The following CLSTN2 variants were observed in gnomAD, a reference collection of about 807,000 sequenced individuals.
CLSTN2 encodes calsyntenin-2.
Under a neutral mutation model 101.2 loss-of-function variants are expected in CLSTN2, and 48 were observed. That is an observed-to-expected ratio of 0.47 (90% CI 0.38 to 0.60). The LOEUF is 0.60. CLSTN2 is among the 20% of genes least tolerant of loss of function. The pLI is 0.00. For missense variants in CLSTN2, 1,160 were observed against 1,238.2 expected, an observed-to-expected ratio of 0.94 and a Z score of 0.95; for synonymous variants, 481 against 463.6, an observed-to-expected ratio of 1.04 and a Z score of -0.48.
intron 2 of CLSTN2, among the ~76,000 whole-genome samples, chr3:140,227,901 T>G (rs111645983): frequency 2.0e-5 from 3 of 152,194 alleles, no homozygotes; most frequent in Admixed American, 6.5e-5. Flanking sequence ...CCCTAGACTG[T>G]GCACAGCATA....
At chr3:140,219,498 G>A (rs951671809) in intron 2 of CLSTN2, among the ~76,000 whole-genome samples, 1 of 152,142 alleles carries the variant, frequency 6.6e-6, no homozygotes, top group African/African-American at 2.4e-5. Flanking sequence ...ATCTGGGAGC[G>A]ATCTTGTTTC....
intron 2 of CLSTN2, among the ~76,000 whole-genome samples, chr3:140,322,229 A>G (rs760706972): frequency 6.6e-6 from 1 of 152,256 alleles, no homozygotes; most frequent in African/African-American, 2.4e-5. Context: ...CTGGCCCAGC[A>G]TCTGGCAGCA....
intron 2 of CLSTN2, among the ~76,000 whole-genome samples, chr3:140,320,871 G>A (rs1462034116): frequency 6.6e-6 from 1 of 152,080 alleles, no homozygotes; most frequent in African/African-American, 2.4e-5. Context: ...AGAAGACAAG[G>A]CAAGTCTCTG....
intron 2 of CLSTN2, among the ~76,000 whole-genome samples, chr3:140,291,457 T>C (rs992490008): frequency 6.6e-6 from 1 of 151,768 alleles, no homozygotes; most frequent in African/African-American, 2.4e-5. Context: ...CCCTCCCCTT[T>C]GAAACACCTT....
At chr3:140,035,050 A>C (rs2007628638) in intron 1 of CLSTN2, among the ~76,000 whole-genome samples, 1 of 152,096 alleles carries the variant, frequency 6.6e-6, no homozygotes, top group South Asian at 2.1e-4. Flanking sequence ...CCGGGAACCT[A>C]CCTTTACCTA....
chr3:140,199,325 A>T (rs113761074), intron 2 of CLSTN2, among the ~76,000 whole-genome samples: 12 of 152,174 alleles, frequency 7.9e-5, no homozygotes, highest in African/African-American at 2.7e-4. Context: ...CCTTTATCTC[A>T]TCATTGATTT....
At chr3:140,434,181 CT>C (rs2088665240) in intron 5 of CLSTN2, among the ~76,000 whole-genome samples, 1 of 152,188 alleles carries the variant, frequency 6.6e-6, no homozygotes, top group Non-Finnish European at 1.5e-5. Context: ...ACAGTGCCCC[CT>C]TCTCCCCACA....
At chr3:140,047,212 C>G (rs2007898773) in intron 1 of CLSTN2, among the ~76,000 whole-genome samples, 1 of 152,178 alleles carries the variant, frequency 6.6e-6, no homozygotes. Flanking sequence ...TCTCTTTCTG[C>G]TTCACTTCCC....
chr3:140,411,227 G>A (rs889865235), intron 4 of CLSTN2, among the ~76,000 whole-genome samples: 3 of 152,106 alleles, frequency 2.0e-5, no homozygotes, highest in Non-Finnish European at 2.9e-5. Flanking sequence ...GTGAAGGTAC[G>A]ATAAAAGATT....
At chr3:140,260,404 C>T (rs72990147) in intron 2 of CLSTN2, among the ~76,000 whole-genome samples, 8,478 of 151,610 alleles carry the variant, frequency 0.056, 549 homozygotes, top group African/African-American at 0.16. Context: ...TTTTAGTTTC[C>T]TAAGAGTTTT....
intron 8 of CLSTN2, among the ~76,000 whole-genome samples, chr3:140,476,881 G>C (rs1447392155): frequency 6.6e-6 from 1 of 151,940 alleles, no homozygotes. Context: ...GGATGGTCTC[G>C]ATCTCCTGAC....
intron 9 of CLSTN2, among the ~76,000 whole-genome samples, chr3:140,533,074 G>A (rs1177915451): frequency 6.6e-6 from 1 of 152,182 alleles, no homozygotes; most frequent in Non-Finnish European, 1.5e-5. Flanking sequence ...CCACTTGAAG[G>A]TATCTGCCCC....
chr3:140,237,341 G>C (rs1453317494), intron 2 of CLSTN2, among the ~76,000 whole-genome samples: 1 of 152,156 alleles, frequency 6.6e-6, no homozygotes, highest in Non-Finnish European at 1.5e-5. Flanking sequence ...CAAACTATCT[G>C]TAGCACTGTA....
chr3:140,539,916 A>C (rs1935439205), intron 9 of CLSTN2, among the ~76,000 whole-genome samples: 1 of 152,122 alleles, frequency 6.6e-6, no homozygotes, highest in African/African-American at 2.4e-5. Context: ...GATTTACCCA[A>C]ACTCCCTTGG....
chr3:140,220,850 G>C (rs1459822158), intron 2 of CLSTN2, among the ~76,000 whole-genome samples: 4 of 152,220 alleles, frequency 2.6e-5, no homozygotes, highest in African/African-American at 9.6e-5. Context: ...ATGCCTCTAT[G>C]TGCCCGGGAC....
Position 140,558,647 on chromosome 3 carries a change from G to A in CLSTN2, c.1831G>A (p.Gly611Arg). 1 of 1,612,362 alleles carries A rather than the reference G, an allele frequency of 6.2e-7. No homozygotes were observed. Among genetic ancestry groups the A allele is most frequent in the African/African-American group, 1.3e-5 (1 of 74,964 alleles). Residue 611 changes from glycine (G) to arginine (R), a missense_variant, in exon 12 of 17, where the codon GGG (glycine) becomes AGG (arginine). Transcript: ENST00000458420. ...LKVSSKVQCF[G>R]EDVCISIPEV... Reference sequence around the variant, plus strand: ...CCGAGAATGTTTTCCCAGGTGCTTTGGGGAAGACGTATGCATCAGTATCCC... The same window carrying A: ...CCGAGAATGTTTTCCCAGGTGCTTTAGGGAAGACGTATGCATCAGTATCCC...
intron 8 of CLSTN2, among the ~76,000 whole-genome samples, chr3:140,476,468 G>C (rs1933986210): frequency 6.6e-6 from 1 of 152,144 alleles, no homozygotes. Context: ...CCTTGCATAT[G>C]ACCTCAAAAC....
intron 2 of CLSTN2, among the ~76,000 whole-genome samples, chr3:140,399,989 G>A (rs549327859): frequency 7.3e-5 from 11 of 151,302 alleles, no homozygotes; most frequent in East Asian, 1.9e-4. Context: ...GCAATGAGTC[G>A]TCTGATCTTC....
chr3:140,408,150 G>A (rs1280408532), intron 4 of CLSTN2, among the ~76,000 whole-genome samples: 1 of 152,158 alleles, frequency 6.6e-6, no homozygotes, highest in African/African-American at 2.4e-5. Context: ...GTTTCATCTT[G>A]CATGCATCAT....
Sources: gnomAD v4.1 joint callset for allele counts (sites outside exome capture counted in the v4.1 genomes callset) on GRCh38, gnomAD v4.1.1 for gene constraint, MANE v1.5 for transcripts, NCBI Gene and HGNC (gene_info 2026-07-23, HGNC 2026-07-21) for gene names.